The following TNC variants were observed in gnomAD, a reference collection of about 807,000 sequenced individuals.
TNC encodes tenascin.
A neutral mutation model predicts 202.4 loss-of-function variants in TNC; 109 were observed. That is an observed-to-expected ratio of 0.54 (90% CI 0.46 to 0.63). The LOEUF (loss-of-function observed/expected upper bound fraction) is 0.63. Ranked by LOEUF, TNC falls within the 30% of genes least tolerant of loss-of-function variation. The pLI is 0.00. For synonymous variants in TNC, 1,007 were observed against 1,089.7 expected, an observed-to-expected ratio of 0.92 and a Z score of 1.50; for missense variants, 2,756 against 2,833.3, an observed-to-expected ratio of 0.97 and a Z score of 0.62.
intron 1 of TNC, among the ~76,000 whole-genome samples, chr9:115,091,607 A>T (rs1328477002): frequency 6.6e-6 from 1 of 152,186 alleles, no homozygotes; most frequent in African/African-American, 2.4e-5. Context: ...GTGAATTATT[A>T]TAGTGTTATA....
In TNC at chr9:115,036,215, C is replaced by T. The variant is rs751663173; in HGVS notation, c.5539G>A (p.Gly1847Arg). 19 of 1,614,004 alleles carry T rather than the reference C, an allele frequency of 1.2e-5. No homozygotes were observed. The highest frequency in any genetic ancestry group is 2.7e-5 in the African/African-American group (2 of 74,900). ...GTCAGAGCATACTCCACTGTGTTCC[C>T]GGACACCGTGCGTGTAATTTCTGGC... Reference protein sequence around the residue: ...KVPEITRTVSGNTVEYALTDL... With the variant: ...KVPEITRTVSRNTVEYALTDL... The change falls in exon 21 of 28, where the codon GGG becomes AGG. Residue 1847 changes from glycine to arginine, a missense_variant. Physicochemically the swap from Gly to Arg is moderately radical, Grantham distance 125 (BLOSUM62 -2). Around this residue, in one of 2 missense-constraint regions of TNC, gnomAD observed 2,559 missense variants for 2,546.0 expected, o/e 1.01. Coordinates refer to ENST00000350763, the MANE Select transcript of TNC (RefSeq NM_002160.4).
Position 115,092,952 on chromosome 9 carries a change from C to T in TNC, c.-136-1798G>A, listed in dbSNP as rs537162455. On this transcript the variant is annotated intron_variant, in intron 1 of 27. Coordinates refer to ENST00000350763, the MANE Select transcript of TNC (RefSeq NM_002160.4). ...CCTATGCCCATGATATTCTTATACTCGCACACTGTAAGTTAGTTATTTATG... is the reference window on the plus strand; with the variant it reads ...CCTATGCCCATGATATTCTTATACTTGCACACTGTAAGTTAGTTATTTATG... Among the ~76,000 whole-genome samples, 14 of 152,196 alleles carry T rather than the reference C, an allele frequency of 9.2e-5. No homozygotes were observed. The East Asian group carries it at 2.5e-3, about 27-fold the overall frequency.
chr9:115,092,396 T>C (rs997453684), intron 1 of TNC, among the ~76,000 whole-genome samples: 2 of 152,296 alleles, frequency 1.3e-5, no homozygotes, highest in South Asian at 2.1e-4. Flanking sequence ...AGGGGACTTG[T>C]TAGAGGCAGT....
chr9:115,084,108 A>G, intron 4 of TNC, 101 bp downstream of exon 4: 1 of 1,298,078 alleles, frequency 7.7e-7, no homozygotes, highest in Non-Finnish European at 1.1e-6. Flanking sequence ...GTATAACTGT[A>G]AAGAACAACT....
At chr9:115,022,875 C>G (rs1046205708) in intron 27 of TNC, among the ~76,000 whole-genome samples, 2 of 152,044 alleles carry the variant, frequency 1.3e-5, no homozygotes, top group Non-Finnish European at 2.9e-5. Flanking sequence ...CTTAAGGTCG[C>G]AGGTGTCATT....
In TNC at chr9:115,082,685, T is replaced by G. The variant is rs1379966957; in HGVS notation, c.2247+7A>C. 1 of 1,590,482 alleles carries G rather than the reference T, an allele frequency of 6.3e-7. No homozygotes were observed. The highest frequency in any genetic ancestry group is 8.6e-7 in the Non-Finnish European group (1 of 1,158,570). ...ATCAAATGGATCTGCTCTTTTGTAC[T>G]CCTTACCATATTCCGGAAGATGATC... On this transcript the variant is annotated splice_region_variant and intron_variant, in intron 5 of 27. Coordinates refer to ENST00000350763, the MANE Select transcript of TNC (RefSeq NM_002160.4).
rs2132170640 is a variant in TNC, at chr9:115,048,291, T to C, written c.4821A>G (p.Gln1607=). 1.9e-6 allele frequency: 3 copies of C among 1,614,056 alleles called. No homozygotes were observed. Among genetic ancestry groups the C allele is most frequent in the South Asian group, 2.2e-5 (2 of 91,076 alleles). ...VMVSGFTQGH[Q]TKPLRAEIVT... The stretch of plus-strand genomic sequence containing the variant: ...CAATCTCAGCCCTCAAGGGCTTGGT[T>C]TGATGCCCTTGGGTGAAGCCAGAGA... The change falls in exon 16 of 28, where the codon CAA becomes CAG. Residue 1607 remains glutamine (Q), a synonymous_variant. Coordinates refer to ENST00000350763, the MANE Select transcript of TNC (RefSeq NM_002160.4).
At position 115,076,031 on chromosome 9, in the gene TNC, C is replaced by G. The variant is rs113415021; in HGVS notation, c.2950+1G>C. Reference sequence around the variant, plus strand: ...GGATGGGAATTCCAGGTGTGCCCCACCTGTGGCTGCGTTGATGGTCGCTGG... The same window carrying G: ...GGATGGGAATTCCAGGTGTGCCCCAGCTGTGGCTGCGTTGATGGTCGCTGG... On this transcript the variant is annotated splice_donor_variant, in intron 9 of 27. Coordinates refer to ENST00000350763, the MANE Select transcript of TNC (RefSeq NM_002160.4). LOFTEE classifies it high-confidence loss of function. 6.2e-7 allele frequency: 1 copy of G among 1,613,844 alleles called. No homozygotes were observed. The highest frequency in any genetic ancestry group is 1.3e-5 in the African/African-American group (1 of 74,904).
chr9:115,113,038 G>T (rs766738054), intron 1 of TNC, among the ~76,000 whole-genome samples: 1 of 152,130 alleles, frequency 6.6e-6, no homozygotes, highest in Non-Finnish European at 1.5e-5. Flanking sequence ...TAGAGAAAAC[G>T]TATTACATTA....
At chr9:115,050,660 T>C (rs1669529832) in intron 15 of TNC, among the ~76,000 whole-genome samples, 1 of 152,208 alleles carries the variant, frequency 6.6e-6, no homozygotes, top group South Asian at 2.1e-4. Flanking sequence ...TCTAGCCTTA[T>C]TGGTTATTTT....
chr9:115,071,815 T>C (rs915162595), intron 10 of TNC, among the ~76,000 whole-genome samples: 2 of 152,222 alleles, frequency 1.3e-5, no homozygotes, highest in Admixed American at 1.3e-4. Flanking sequence ...TTGTTGCCCC[T>C]TGACACTTTA....
At chr9:115,046,361 A>G (rs753366378) in intron 17 of TNC, 49 bp downstream of exon 17, 3 of 1,594,934 alleles carry the variant, frequency 1.9e-6, no homozygotes, top group East Asian at 4.5e-5. Flanking sequence ...TGAGAAGAAG[A>G]CCCCTGAGTC....
intron 1 of TNC, among the ~76,000 whole-genome samples, chr9:115,098,371 A>G (rs1226689076): frequency 1.3e-5 from 2 of 152,014 alleles, no homozygotes; most frequent in Non-Finnish European, 2.9e-5. Flanking sequence ...TTTCTCTTTT[A>G]CTAGTAGAGC....
rs775121872 is a variant in TNC at position 115,063,755 on chromosome 9, A to G, written c.3760+41T>C. The G allele has an allele frequency of 1.9e-6, 3 of 1,583,302 alleles. No homozygotes were observed. The South Asian group carries it at 3.4e-5, about 18-fold the overall frequency. On this transcript the variant is annotated intron_variant, in intron 12 of 27. Transcript: ENST00000350763. ...GTGCTTTGATTCCTCCCGAGCAGAG[A>G]CAAAGGGGAGGAAGTGAATTAGTGA...
rs747007293 is a variant in TNC, at chr9:115,046,672, C to T, written c.4863G>A (p.Pro1621=). 5 of 1,612,594 alleles carry T rather than the reference C, an allele frequency of 3.1e-6. No homozygotes were observed. Among genetic ancestry groups the T allele is most frequent in the African/African-American group, 2.7e-5 (2 of 74,834 alleles). ...CTGAAACCAGAAGGTTGTCAACTTC[C>T]GGTTCGGCTTCTAGAGGGAGAGAAA... The part of the protein sequence containing the change: ...LRAEIVTEAE[P]EVDNLLVSDA... Residue 1621 remains proline, a synonymous_variant, in exon 17 of 28, where the codon CCG becomes CCA. Coordinates refer to ENST00000350763, the MANE Select transcript of TNC (RefSeq NM_002160.4).
At chr9:115,031,531 A>G (rs1325261491) in intron 23 of TNC, 22 bp downstream of exon 23, 1 of 1,519,230 alleles carries the variant, frequency 6.6e-7, no homozygotes, top group Admixed American at 2.3e-5. Context: ...TCAAGGCTGG[A>G]TGGCACCCTG....
At chr9:115,087,708 T>C (rs1425987858) in intron 2 of TNC, among the ~76,000 whole-genome samples, 2 of 147,254 alleles carry the variant, frequency 1.4e-5, no homozygotes, top group Non-Finnish European at 1.5e-5. Flanking sequence ...CTTTTTTTTT[T>C]TTTTTTTTTT....
chr9:115,087,847 G>A lies in TNC; in HGVS notation c.458-574C>T, dbSNP rs538992707. ...CTCCTGAGTAGCTGGGACTCCAGGC[G>A]CCCGCCACCATGCCCGGCTAATTTT... On this transcript the variant is annotated intron_variant, in intron 2 of 27. Transcript: ENST00000350763. Among the ~76,000 whole-genome samples the A allele has an allele frequency of 2.7e-4, 41 of 151,814 alleles. 1 individual carries two copies. In the South Asian group the frequency reaches 7.9e-3, roughly 29 times the overall value.
chr9:115,102,122 G>A (rs1025599051), intron 1 of TNC, among the ~76,000 whole-genome samples: 1 of 152,106 alleles, frequency 6.6e-6, no homozygotes, highest in Non-Finnish European at 1.5e-5. Context: ...TCTTTACATG[G>A]CTTGTGCAAG....
Sources: gnomAD v4.1 joint callset for allele counts (sites outside exome capture counted in the v4.1 genomes callset) on GRCh38, gnomAD v4.1.1 for gene constraint, gnomAD v4.1.1 regional missense constraint, MANE v1.5 for transcripts, NCBI Gene and HGNC (gene_info 2026-07-23, HGNC 2026-07-21) for gene names.